TAFA2: variants seen among roughly 807,000 people sequenced by gnomAD.
The protein encoded by TAFA2 is chemokine-like protein TAFA-2.
In TAFA2, 7 loss-of-function variants were observed where a neutral mutation model predicts 18.8. That is an observed-to-expected ratio of 0.37 (90% CI 0.21 to 0.70). TAFA2 has a LOEUF of 0.70. TAFA2 is among the 30% of genes least tolerant of loss of function. The pLI, the probability that TAFA2 is intolerant of heterozygous loss-of-function variation, is 0.53. For synonymous variants in TAFA2, 60 were observed against 54.2 expected (o/e 1.11, Z -0.47); for missense variants, 122 against 158.1 (o/e 0.77, Z 1.23).
intron 1 of TAFA2, among the ~76,000 whole-genome samples, chr12:62,216,971 G>A (rs988249102): frequency 7.9e-5 from 12 of 152,174 alleles, no homozygotes; most frequent in Non-Finnish European, 1.8e-4. Context: ...CATGTAGGTA[G>A]TATATGGGAG....
intron 2 of TAFA2, among the ~76,000 whole-genome samples, chr12:61,768,850 G>A (rs1869903329): frequency 6.6e-6 from 1 of 151,988 alleles, no homozygotes; most frequent in African/African-American, 2.4e-5. Context: ...GGGACAAATG[G>A]GGAGTGCACA....
chr12:61,963,666 T>C (rs745969621), intron 1 of TAFA2, among the ~76,000 whole-genome samples: 4 of 151,960 alleles, frequency 2.6e-5, no homozygotes, highest in Non-Finnish European at 5.9e-5. Flanking sequence ...AAGTAATTTA[T>C]AGATTCGATG....
At chr12:61,826,468 G>C (rs1872540590) in intron 2 of TAFA2, among the ~76,000 whole-genome samples, 1 of 151,886 alleles carries the variant, frequency 6.6e-6, no homozygotes, top group South Asian at 2.1e-4. Context: ...GAGAAATGCA[G>C]AATGACAAAA....
intron 2 of TAFA2, among the ~76,000 whole-genome samples, chr12:61,857,656 G>T (rs1222714937): frequency 2.6e-5 from 4 of 152,142 alleles, no homozygotes; most frequent in Non-Finnish European, 2.9e-5. Flanking sequence ...GCCTGAACAA[G>T]ACTTTTTCAA....
chr12:62,074,155 G>C (rs1263683308), intron 1 of TAFA2, among the ~76,000 whole-genome samples: 1 of 152,104 alleles, frequency 6.6e-6, no homozygotes, highest in Non-Finnish European at 1.5e-5. Flanking sequence ...CCCAAAGTTA[G>C]AACACACACA....
chr12:62,091,957 G>C (rs1333144005), intron 1 of TAFA2, among the ~76,000 whole-genome samples: 1 of 151,902 alleles, frequency 6.6e-6, no homozygotes, highest in African/African-American at 2.4e-5. Flanking sequence ...TCATTCTTTG[G>C]TGTGACACTG....
In TAFA2 at chr12:61,754,847, C is replaced by CA. The variant is rs760779121; in HGVS notation, c.259+24dup. ...TAAGCCATCCTTGGCTGTGCTGTTA[C>CA]AATAAGGAATGGAAGAAGTCACACC... On this transcript the variant is annotated intron_variant, in intron 3 of 4. Coordinates refer to ENST00000416284, the MANE Select transcript of TAFA2 (RefSeq NM_178539.5). 2.5e-6 allele frequency: 4 copies of CA among 1,610,228 alleles called. 1 individual carries two copies. In the African/African-American group the frequency reaches 5.3e-5, roughly 22 times the overall value.
chr12:61,932,657 G>A (rs986380774), intron 1 of TAFA2, among the ~76,000 whole-genome samples: 1 of 152,098 alleles, frequency 6.6e-6, no homozygotes, highest in East Asian at 1.9e-4. Context: ...TGCCAGGCTG[G>A]TCTTGAACTC....
intron 1 of TAFA2, among the ~76,000 whole-genome samples, chr12:62,183,687 T>C (rs1222211173): frequency 6.6e-6 from 1 of 152,160 alleles, no homozygotes; most frequent in Non-Finnish European, 1.5e-5. Flanking sequence ...ACCCAGTCAA[T>C]CTGTGGTATT....
chr12:61,920,322 A>T (rs1876997071), intron 1 of TAFA2, among the ~76,000 whole-genome samples: 3 of 152,184 alleles, frequency 2.0e-5, no homozygotes, highest in Admixed American at 2.0e-4. Flanking sequence ...AGCATCCTTT[A>T]TCTCACTAAA....
At chr12:62,118,828 T>G (rs79611264) in intron 1 of TAFA2, among the ~76,000 whole-genome samples, 7,718 of 152,236 alleles carry the variant, frequency 0.051, 294 homozygotes, top group Non-Finnish European at 0.079. Flanking sequence ...TGTAGATAAT[T>G]TTTTGTGCTC....
chr12:62,013,978 A>C (rs543614190), intron 1 of TAFA2, among the ~76,000 whole-genome samples: 9 of 152,220 alleles, frequency 5.9e-5, no homozygotes, highest in Non-Finnish European at 8.8e-5. Context: ...ACTTTCCATG[A>C]ATAGTGCCAG....
intron 4 of TAFA2, among the ~76,000 whole-genome samples, chr12:61,749,970 C>T (rs147653467): frequency 3.3e-5 from 5 of 150,144 alleles, no homozygotes; most frequent in Non-Finnish European, 7.4e-5. Context: ...AGATCTTCCA[C>T]GAAGAAAGAA....
intron 1 of TAFA2, among the ~76,000 whole-genome samples, chr12:61,912,434 T>C (rs1876648058): frequency 6.6e-6 from 1 of 152,192 alleles, no homozygotes; most frequent in South Asian, 2.1e-4. Context: ...TATTTTATTT[T>C]TAAAACATGC....
chr12:62,075,800 C>T (rs1003129372), intron 1 of TAFA2, among the ~76,000 whole-genome samples: 1 of 152,300 alleles, frequency 6.6e-6, no homozygotes, highest in Admixed American at 6.5e-5. Context: ...TTACTGACCA[C>T]ATGAGCTATA....
chr12:61,720,118 G>T (rs1377273562), intron 4 of TAFA2, among the ~76,000 whole-genome samples: 1 of 151,336 alleles, frequency 6.6e-6, no homozygotes, highest in Non-Finnish European at 1.5e-5. Flanking sequence ...CAGTAATCTT[G>T]AATTTCCAAA....
intron 1 of TAFA2, among the ~76,000 whole-genome samples, chr12:61,993,616 G>A (rs1488143189): frequency 1.3e-5 from 2 of 152,102 alleles, no homozygotes; most frequent in Non-Finnish European, 2.9e-5. Flanking sequence ...TTGGCCATAA[G>A]AGCACAAAGA....
intron 1 of TAFA2, chr12:62,140,129 A>G (rs574139621): frequency 2.6e-5 from 4 of 152,240 alleles, no homozygotes; most frequent in African/African-American, 9.6e-5. Flanking sequence ...TTGTCCTGGG[A>G]AGTTGGCAGA....
At chr12:61,851,573 G>C (rs987785113) in intron 2 of TAFA2, among the ~76,000 whole-genome samples, 1 of 150,060 alleles carries the variant, frequency 6.7e-6, no homozygotes, top group Non-Finnish European at 1.5e-5. Flanking sequence ...TCAGGAAATC[G>C]AGACCATCCT....
Sources: allele counts gnomAD v4.1 joint callset (sites outside exome capture counted in the v4.1 genomes callset), GRCh38; gene constraint gnomAD v4.1.1; transcripts MANE v1.5; gene names NCBI Gene and HGNC (gene_info 2026-07-23, HGNC 2026-07-21).